TSHZ3: variants seen among roughly 807,000 people sequenced by gnomAD.
TSHZ3 encodes teashirt zinc finger homeobox 3.
A neutral mutation model predicts 64.5 loss-of-function variants in TSHZ3; 10 were observed. The observed-to-expected ratio is 0.16, with a 90% CI of 0.10 to 0.26. The LOEUF (loss-of-function observed/expected upper bound fraction) is 0.26, where lower values mean the gene tolerates loss of function less well. Among genes scored for constraint, TSHZ3 ranks in the 10% least tolerant of loss-of-function variants. The pLI, the probability that TSHZ3 is intolerant of heterozygous loss-of-function variation, is 1.00. For synonymous variants in TSHZ3, 608 were observed against 593.1 expected, an observed-to-expected ratio of 1.03 and a Z score of -0.36; for missense variants, 1,242 against 1,421.7, an observed-to-expected ratio of 0.87 and a Z score of 2.03.
chr19:31,284,815 C>T (rs973134755), intron 1 of TSHZ3, among the ~76,000 whole-genome samples: 6 of 152,134 alleles, frequency 3.9e-5, no homozygotes, highest in Admixed American at 1.3e-4. Flanking sequence ...AGTTATCAGC[C>T]GCAACCCTAC....
At chr19:31,285,477 CAA>C (rs397859442) in intron 1 of TSHZ3, among the ~76,000 whole-genome samples, 15 of 132,544 alleles carry the variant, frequency 1.1e-4, no homozygotes, top group African/African-American at 1.4e-4. Flanking sequence ...GATTCTGTCT[CAA>C]AAAAAAAAAA....
chr19:31,306,738 A>C (rs760904044), intron 1 of TSHZ3, among the ~76,000 whole-genome samples: 2 of 152,184 alleles, frequency 1.3e-5, no homozygotes, highest in African/African-American at 2.4e-5. Flanking sequence ...TATGCTTCTA[A>C]ATATGTTCTT....
intron 4 of TSHZ3, among the ~76,000 whole-genome samples, chr19:31,214,124 G>T (rs1368563569): frequency 6.6e-6 from 1 of 152,182 alleles, no homozygotes; most frequent in African/African-American, 2.4e-5. Context: ...AAATGAGGTT[G>T]AACAAACCCG....
chr19:31,211,054 G>A (rs555911471), intron 4 of TSHZ3, among the ~76,000 whole-genome samples: 1 of 152,178 alleles, frequency 6.6e-6, no homozygotes, highest in South Asian at 2.1e-4. Context: ...TTTCGATGGT[G>A]GAATTTTATG....
At chr19:31,188,090 C>T (rs1462628015) in intron 5 of TSHZ3, among the ~76,000 whole-genome samples, 2 of 151,554 alleles carry the variant, frequency 1.3e-5, no homozygotes, top group African/African-American at 4.8e-5. Flanking sequence ...TTTCTTGGTG[C>T]ATTTTGTACT....
chr19:31,172,847 G>C (rs1234202645), intron 5 of TSHZ3, among the ~76,000 whole-genome samples: 3 of 152,230 alleles, frequency 2.0e-5, no homozygotes, highest in Non-Finnish European at 4.4e-5. Context: ...GAATCTTAGG[G>C]AGAGAGGCAA....
rs1327323849 is a variant in TSHZ3, at chr19:31,277,018, T to C, written c.2775A>G (p.Ser925=). 6.2e-7 allele frequency: 1 copy of C among 1,611,968 alleles called. No individual in the cohort carries two copies. Among genetic ancestry groups the C allele is most frequent in the Non-Finnish European group, 8.5e-7 (1 of 1,178,542 alleles). Residue 925 remains serine (S), a synonymous_variant, in exon 2 of 2, where the codon TCA becomes TCG. Coordinates refer to ENST00000240587, the MANE Select transcript of TSHZ3 (RefSeq NM_020856.4). This position sits in a 1 kb window ranked among gnomAD's most constrained non-coding sequence, Gnocchi z 4.5. ...GCATCCGCTCCTGGGGGCTCAGGTC[T>C]GACATGATGTACTTCCCTTCTGAGG... ...RQTSEGKYIM[S]DLSPQERMHI... is the part of the protein sequence containing the mutation.
chr19:31,160,924 T>C (rs1413479030), intron 5 of TSHZ3, among the ~76,000 whole-genome samples: 1 of 152,200 alleles, frequency 6.6e-6, no homozygotes, highest in Non-Finnish European at 1.5e-5. Context: ...CTGATATATG[T>C]ATGTCTGTGT....
chr19:31,350,527 G>A (rs1472369507), upstream of TSHZ3, among the ~76,000 whole-genome samples: 3 of 151,350 alleles, frequency 2.0e-5, no homozygotes, highest in Non-Finnish European at 4.4e-5. Flanking sequence ...CCCCGCCAGG[G>A]GCTCCCCCCG....
chr19:31,157,073 G>C (rs923465012), intron 5 of TSHZ3, among the ~76,000 whole-genome samples: 1 of 151,650 alleles, frequency 6.6e-6, no homozygotes, highest in Non-Finnish European at 1.5e-5. Context: ...GTACAGAATT[G>C]AACATATATT....
chr19:31,186,766 C>A (rs1433650784), intron 5 of TSHZ3, among the ~76,000 whole-genome samples: 1 of 152,174 alleles, frequency 6.6e-6, no homozygotes, highest in East Asian at 1.9e-4. Flanking sequence ...TTCAGTGATT[C>A]TGTATAGCTT....
intron 1 of TSHZ3, among the ~76,000 whole-genome samples, chr19:31,248,455 T>A (rs993545286): frequency 6.6e-6 from 1 of 152,040 alleles, no homozygotes; most frequent in Non-Finnish European, 1.5e-5. Flanking sequence ...CCAGCCAAGA[T>A]GTCAGAGTCA....
At chr19:31,331,802 C>T (rs181234830) in intron 1 of TSHZ3, among the ~76,000 whole-genome samples, 74 of 152,294 alleles carry the variant, frequency 4.9e-4, no homozygotes, top group Middle Eastern at 3.4e-3. Context: ...TATGTTTCCA[C>T]ACCAGAGCAC....
chr19:31,322,428 AT>A lies in TSHZ3; in HGVS notation c.40+26751del, dbSNP rs113519090. ...CCCCCGTGCCTAGCCTTATGTATGT[AT>A]TTTTTTTTAGAGACTAGGTCTCACT... On this transcript the variant is annotated intron_variant, in intron 1 of 1. Coordinates refer to ENST00000240587, the MANE Select transcript of TSHZ3 (RefSeq NM_020856.4). Among the ~76,000 whole-genome samples the A allele has an allele frequency of 2.2e-3, 321 of 148,644 alleles. 10 individuals are homozygous for A. Among genetic ancestry groups the A allele is most frequent in the Admixed American group, 0.02 (293 of 14,916 alleles).
intron 1 of TSHZ3, among the ~76,000 whole-genome samples, chr19:31,306,914 A>G (rs1252680790): frequency 6.6e-6 from 1 of 152,098 alleles, no homozygotes; most frequent in Non-Finnish European, 1.5e-5. Flanking sequence ...TTACCACAGC[A>G]CCACCTGTGC....
intron 1 of TSHZ3, among the ~76,000 whole-genome samples, chr19:31,297,640 AT>A (rs765469791): frequency 1.3e-5 from 2 of 151,782 alleles, no homozygotes; most frequent in South Asian, 2.1e-4. Flanking sequence ...GATTTTTAAT[AT>A]TTTTTTTGTA....
intron 1 of TSHZ3, among the ~76,000 whole-genome samples, chr19:31,259,663 G>T (rs1334439606): frequency 6.6e-6 from 1 of 151,606 alleles, no homozygotes; most frequent in Non-Finnish European, 1.5e-5. Flanking sequence ...AAAAAAAAAA[G>T]AGAAATAGGA....
intron 1 of TSHZ3, among the ~76,000 whole-genome samples, chr19:31,247,743 T>G (rs1399064265): frequency 6.6e-6 from 1 of 152,176 alleles, no homozygotes; most frequent in Non-Finnish European, 1.5e-5. Flanking sequence ...GAAGTGCACA[T>G]CTTGTTTATG....
At chr19:31,185,329 A>G (rs1974788581) in intron 5 of TSHZ3, among the ~76,000 whole-genome samples, 1 of 151,956 alleles carries the variant, frequency 6.6e-6, no homozygotes, top group Admixed American at 6.6e-5. Context: ...GCTTCCTCAC[A>G]CCTTCCCTTC....
Sources: allele counts gnomAD v4.1 joint callset (sites outside exome capture counted in the v4.1 genomes callset), GRCh38; gene constraint gnomAD v4.1.1; non-coding constraint Gnocchi (gnomAD v3.1); transcripts MANE v1.5; gene names NCBI Gene and HGNC (gene_info 2026-07-23, HGNC 2026-07-21).